The following RUFY2 variants were observed in gnomAD, a reference collection of about 807,000 sequenced individuals.
RUFY2 encodes RUN and FYVE domain-containing protein 2.
Under a neutral mutation model 94.4 loss-of-function variants are expected in RUFY2, and 49 were observed. That is an observed-to-expected ratio of 0.52 (90% CI 0.41 to 0.66). The LOEUF is 0.66. Ranked by LOEUF, RUFY2 falls within the 30% of genes least tolerant of loss-of-function variation. The pLI is 0.00. For missense variants in RUFY2, 541 were observed against 692.8 expected, an observed-to-expected ratio of 0.78 and a Z score of 2.46; for synonymous variants, 255 against 235.7, an observed-to-expected ratio of 1.08 and a Z score of -0.75.
At chr10:68,358,255 C>A (rs780886263) in intron 15 of RUFY2, among the ~76,000 whole-genome samples, 28 of 152,098 alleles carry the variant, frequency 1.8e-4, no homozygotes, top group Admixed American at 6.6e-5. Flanking sequence ...AGTATTAATT[C>A]TCTTACAAAT....
chr10:68,400,906 G>A (rs1443885119), intron 3 of RUFY2, among the ~76,000 whole-genome samples: 9 of 151,984 alleles, frequency 5.9e-5, no homozygotes, highest in Non-Finnish European at 8.8e-5. Context: ...CCAGCTACTC[G>A]GGAGGCTGAG....
chr10:68,360,045 C>A (rs969015261), intron 15 of RUFY2, among the ~76,000 whole-genome samples: 2 of 151,914 alleles, frequency 1.3e-5, no homozygotes, highest in African/African-American at 2.4e-5. Context: ...AGGCTGGCCT[C>A]GAACTCCTGA....
At chr10:68,362,365 C>T (rs1287207023) in intron 15 of RUFY2, among the ~76,000 whole-genome samples, 1 of 151,850 alleles carries the variant, frequency 6.6e-6, no homozygotes, top group Non-Finnish European at 1.5e-5. Context: ...ATATTTAAAA[C>T]GACTATATAT....
chr10:68,364,140 C>A (rs891154787), intron 13 of RUFY2, 27 bp from the exon 14 acceptor site: 1 of 1,598,680 alleles, frequency 6.3e-7, no homozygotes, highest in Admixed American at 1.7e-5. Context: ...CACACAGAAG[C>A]TCAGTGCTAT....
intron 13 of RUFY2, among the ~76,000 whole-genome samples, chr10:68,376,549 T>C (rs2048693759): frequency 1.4e-5 from 2 of 139,708 alleles, no homozygotes; most frequent in African/African-American, 5.2e-5. Flanking sequence ...CAAAAGCCTA[T>C]ACTCAGCACC....
Position 68,346,428 on chromosome 10 carries a change from A to C in RUFY2, c.1600-344T>G, listed in dbSNP as rs370721779. On this transcript the variant is annotated intron_variant, in intron 16 of 17. Transcript: ENST00000602465. ...CAACACAGAATCTGTCTCTTAAAAAATAAAAATTGAAAAAATGAAAAATCA... is the reference window on the plus strand; with the variant it reads ...CAACACAGAATCTGTCTCTTAAAAACTAAAAATTGAAAAAATGAAAAATCA... 4 of 194,478 alleles carry C rather than the reference A, an allele frequency of 2.1e-5. 1 individual carries two copies. The allele number at this position is 194,478 out of a possible 1,614,324, so 12.0% of individuals were successfully genotyped here.
downstream of RUFY2, chr10:68,341,513 TA>T (rs942028286): frequency 8.7e-7 from 1 of 1,148,898 alleles, no homozygotes; most frequent in African/African-American, 1.6e-5. Context: ...TGATCTTTTT[TA>T]CAAAGCTTGT....
At chr10:68,388,098 T>C (rs180954525) in intron 7 of RUFY2, among the ~76,000 whole-genome samples, 54 of 152,304 alleles carry the variant, frequency 3.5e-4, no homozygotes, top group African/African-American at 1.2e-3. Context: ...CTTGCCTTTA[T>C]GCGAGGATAC....
chr10:68,407,106 C>T, intron 1 of RUFY2, 80 bp downstream of exon 1: 1 of 1,516,428 alleles, frequency 6.6e-7, no homozygotes, highest in Non-Finnish European at 8.8e-7. Flanking sequence ...TCTCCCCCAG[C>T]TCCCAGTCCA....
At position 68,394,536 on chromosome 10, in the gene RUFY2, T is replaced by G. The variant is rs1459637303; in HGVS notation, c.399-85A>C. 4.1e-6 allele frequency: 4 copies of G among 971,476 alleles called. No homozygotes were observed. The East Asian group carries it at 1.0e-4, about 25-fold the overall frequency. The allele number at this position is 971,476 out of a possible 1,614,324, so 60.2% of individuals were successfully genotyped here. A position where few individuals can be genotyped will look rare whatever the true frequency, so the allele number is the denominator to read the frequency against. Reference sequence around the variant, plus strand: ...TAAAATCACCATTATCTTCCTAATCTTCTACCTTACAGAAATGGAAGCCAT... The same window carrying G: ...TAAAATCACCATTATCTTCCTAATCGTCTACCTTACAGAAATGGAAGCCAT... On this transcript the variant is annotated intron_variant, in intron 4 of 17. Transcript: ENST00000602465.
intron 3 of RUFY2, 141 bp from the exon 4 acceptor site, chr10:68,397,022 C>A: frequency 1.8e-6 from 1 of 569,820 alleles, no homozygotes. Flanking sequence ...TCTTTTTGAG[C>A]ACACAAACCA....
intron 3 of RUFY2, among the ~76,000 whole-genome samples, chr10:68,398,528 C>A (rs1241252604): frequency 4.0e-5 from 6 of 151,782 alleles, no homozygotes; most frequent in Admixed American, 3.9e-4. Flanking sequence ...GGCATGAGCC[C>A]GTAATCCCAG....
chr10:68,401,472 T>G lies in RUFY2; in HGVS notation c.296+148A>C, dbSNP rs2050844470. The G allele has an allele frequency of 6.7e-6, 4 of 595,456 alleles. No individual in the cohort carries two copies. The Admixed American group carries it at 1.1e-4, about 16-fold the overall frequency. 36.9% of individuals were successfully genotyped at this position (595,456 alleles called of 1,614,324 possible). A position where few individuals can be genotyped will look rare whatever the true frequency, so the allele number is the denominator to read the frequency against. On this transcript the variant is annotated intron_variant, in intron 3 of 17. Transcript: ENST00000602465. ...AGGAAATGGGATTTGAGTTGAGCCA[T>G]AAAGAATGAACATAATTTTATTATA...
chr10:68,376,854 G>C lies in RUFY2; in HGVS notation c.1324C>G (p.Leu442Val), dbSNP rs2048718177. The C allele has an allele frequency of 6.2e-7, 1 of 1,613,248 alleles. No individual in the cohort carries two copies. The highest frequency in any genetic ancestry group is 1.7e-5 in the Admixed American group (1 of 59,948). ...TGTTTCTGAGAGTGAAATACTCACA[G>C]CTGTTTCTCCTTTTGGGAGATTTGT... ...QKQISQKEKQ[L>V]VQLETDLKIE... is the part of the protein sequence containing the mutation. The change falls in exon 13 of 18, where the codon CTG (leucine) becomes GTG (valine). Residue 442 changes from leucine (L) to valine (V), a missense_variant and splice_region_variant. By Grantham distance (32) the Leu-to-Val change is conservative. Transcript: ENST00000602465.
At chr10:68,406,635 C>G (rs2051334395) in intron 1 of RUFY2, 6 of 973,756 alleles carry the variant, frequency 6.2e-6, no homozygotes, top group Non-Finnish European at 8.8e-6. Context: ...AGTACCAGGG[C>G]CAGTGCCCGC....
intron 7 of RUFY2, among the ~76,000 whole-genome samples, chr10:68,391,399 A>G (rs2049973613): frequency 6.6e-6 from 1 of 152,028 alleles, no homozygotes; most frequent in Non-Finnish European, 1.5e-5. Flanking sequence ...CTGTAATTTC[A>G]GCACTTTGGG....
intron 3 of RUFY2, among the ~76,000 whole-genome samples, chr10:68,399,060 G>C (rs1185518204): frequency 6.6e-6 from 1 of 150,420 alleles, no homozygotes; most frequent in Admixed American, 6.6e-5. Flanking sequence ...TTTTTGGTGG[G>C]GGAGACAAAG....
At chr10:68,376,489 T>TATATATTTTC in intron 13 of RUFY2, among the ~76,000 whole-genome samples, 1 of 51,840 alleles carries the variant, frequency 1.9e-5, no homozygotes, top group South Asian at 6.8e-4. Flanking sequence ...TATATATATA[T>TATATATTTTC]ATTCTCAGAA....
chr10:68,393,343 G>C, intron 6 of RUFY2, 140 bp from the exon 7 acceptor site: 1 of 530,534 alleles, frequency 1.9e-6, no homozygotes, highest in Non-Finnish European at 3.3e-6. Context: ...AAGAATAATA[G>C]TAAACTGTGT....
Sources: gnomAD v4.1 joint callset for allele counts (sites outside exome capture counted in the v4.1 genomes callset) on GRCh38, gnomAD v4.1.1 for gene constraint, MANE v1.5 for transcripts, NCBI Gene and HGNC (gene_info 2026-07-23, HGNC 2026-07-21) for gene names.